CLIP2: variants seen among roughly 807,000 people sequenced by gnomAD.
The protein encoded by CLIP2 is CAP-Gly domain containing linker protein 2, also known as CAP-Gly domain-containing linker protein 2.
In CLIP2, 41 loss-of-function variants were observed where a neutral mutation model predicts 111.7. The ratio of observed to expected loss-of-function variants is 0.37; its 90% confidence interval spans 0.29 to 0.48. The LOEUF is 0.48. CLIP2 is among the 20% of genes least tolerant of loss of function. The pLI, the probability that CLIP2 is intolerant of heterozygous loss-of-function variation, is 0.99. For synonymous variants in CLIP2, 660 were observed against 644.2 expected (o/e 1.02, Z -0.37); for missense variants, 1,160 against 1,422.1 (o/e 0.82, Z 2.96).
At chr7:74,372,305 C>T (rs1440607797) in intron 8 of CLIP2, among the ~76,000 whole-genome samples, 2 of 150,862 alleles carry the variant, frequency 1.3e-5, no homozygotes, top group African/African-American at 4.9e-5. Context: ...AGCCCGGCCT[C>T]CACCAAGGAG....
intron 3 of CLIP2, 36 bp from the exon 4 acceptor site, chr7:74,353,844 C>T (rs1554307994): frequency 6.2e-7 from 1 of 1,613,900 alleles, no homozygotes; most frequent in South Asian, 1.1e-5. Context: ...TGTGCCACTG[C>T]ATCCTCTAGA....
intron 16 of CLIP2, 151 bp downstream of exon 16, chr7:74,401,718 A>G: frequency 1.3e-6 from 1 of 775,542 alleles, no homozygotes; most frequent in East Asian, 2.7e-5. Flanking sequence ...GTTGCAGGCA[A>G]ACTTGATTCC....
chr7:74,352,698 C>CA lies in CLIP2; in HGVS notation c.679-1167dup, dbSNP rs56250956. ...TGAGGTAGGAGAATCAACACTGTCTCAAAAAAAAAAAAAAATTTTTAGATA... is the reference window on the plus strand; with the variant it reads ...TGAGGTAGGAGAATCAACACTGTCTCAAAAAAAAAAAAAAAATTTTTAGATA... On this transcript the variant is annotated intron_variant, in intron 3 of 16. Transcript: ENST00000223398. Among the ~76,000 whole-genome samples, 95 of 132,074 alleles carry CA rather than the reference C, an allele frequency of 7.2e-4. 2 individuals carry two copies. Among genetic ancestry groups the CA allele is most frequent in the African/African-American group, 1.8e-3 (63 of 35,472 alleles). 86.6% of individuals were successfully genotyped at this position (132,074 alleles called of 152,430 possible). A position where few individuals can be genotyped will look rare whatever the true frequency, so the allele number is the denominator to read the frequency against.
At chr7:74,345,274 G>A (rs1233733997) in intron 3 of CLIP2, among the ~76,000 whole-genome samples, 14 of 151,778 alleles carry the variant, frequency 9.2e-5, no homozygotes, top group African/African-American at 2.9e-4. Context: ...TTGCTCTGTC[G>A]CCCAGAGTGG....
At chr7:74,315,288 A>T (rs1554728989) in intron 1 of CLIP2, among the ~76,000 whole-genome samples, 1 of 152,138 alleles carries the variant, frequency 6.6e-6, no homozygotes, top group East Asian at 1.9e-4. Context: ...AAATACATTT[A>T]AAAAAATAAT....
At chr7:74,393,185 A>G (rs1251600306) in intron 13 of CLIP2, among the ~76,000 whole-genome samples, 1 of 148,910 alleles carries the variant, frequency 6.7e-6, no homozygotes, top group Admixed American at 6.7e-5. Context: ...ACAGGCGCCC[A>G]TCACCATGCC....
rs1218194865 is a variant in CLIP2, at chr7:74,319,035, G to A, written c.121+1368G>A. ...GAGGCCCGTCGGCAGAAGCCCATGG[G>A]AAAGGCCTGCCCAGTGCAGCCTTGT... On this transcript the variant is annotated intron_variant, in intron 2 of 16. Transcript: ENST00000223398. Among the ~76,000 whole-genome samples, 7 of 152,288 alleles carry A rather than the reference G, an allele frequency of 4.6e-5. No individual in the cohort carries two copies. In the East Asian group the frequency reaches 1.4e-3, roughly 29 times the overall value.
intron 1 of CLIP2, among the ~76,000 whole-genome samples, chr7:74,302,196 C>T (rs1788357674): frequency 6.6e-6 from 1 of 151,794 alleles, no homozygotes; most frequent in East Asian, 1.9e-4. Flanking sequence ...GAAGATGCCT[C>T]CTTTATTTTT....
chr7:74,373,213 T>C (rs1790686171), intron 9 of CLIP2, among the ~76,000 whole-genome samples, 177 bp downstream of exon 9: 5 of 152,158 alleles, frequency 3.3e-5, no homozygotes, highest in Admixed American at 3.3e-4. Context: ...AATGTGCTTA[T>C]GTGGCCGGGT....
At chr7:74,384,304 T>A (rs1297544905) in intron 11 of CLIP2, among the ~76,000 whole-genome samples, 1 of 152,154 alleles carries the variant, frequency 6.6e-6, no homozygotes, top group African/African-American at 2.4e-5. Flanking sequence ...CCTCAGCTGA[T>A]GGGCATTTGG....
intron 3 of CLIP2, among the ~76,000 whole-genome samples, chr7:74,342,492 G>T (rs999705843): frequency 2.0e-5 from 3 of 152,212 alleles, no homozygotes; most frequent in African/African-American, 7.2e-5. Context: ...CAGGGCCAGG[G>T]ACCTGGGATG....
chr7:74,390,162 G>GAAAAAGAAAGAAAGAAAGA lies in CLIP2; in HGVS notation c.2720+905_2720+906insAAAGAAAGAAAGAAAGAAA, dbSNP rs1215571636. Among the ~76,000 whole-genome samples, 139 of 85,008 alleles carry GAAAAAGAAAGAAAGAAAGA rather than the reference G, an allele frequency of 1.6e-3. 3 individuals are homozygous for GAAAAAGAAAGAAAGAAAGA. The highest frequency in any genetic ancestry group is 2.9e-3 in the African/African-American group (68 of 23,318). The allele number at this position is 85,008 out of a possible 152,430, so 55.8% of individuals were successfully genotyped here. On this transcript the variant is annotated intron_variant, in intron 13 of 16. Transcript: ENST00000223398. ...AAAGAAAGAAAGAAAAAGAAAGAAAGAAGAAAGAAAGAAAGAAAGAAAGAA... is the reference window on the plus strand; with the variant it reads ...AAAGAAAGAAAGAAAAAGAAAGAAAGAAAAAGAAAGAAAGAAAGAAAGAAAGAAAGAAAGAAAGAAAGAA...
chr7:74,326,610 A>G (rs1244900338), intron 2 of CLIP2, among the ~76,000 whole-genome samples: 1 of 150,886 alleles, frequency 6.6e-6, no homozygotes, highest in Non-Finnish European at 1.5e-5. Context: ...GCTGCTCTCT[A>G]GTACACACAC....
At chr7:74,304,249 G>A (rs889051957) in intron 1 of CLIP2, among the ~76,000 whole-genome samples, 2 of 151,954 alleles carry the variant, frequency 1.3e-5, no homozygotes, top group African/African-American at 2.4e-5. Flanking sequence ...TTAAGAAGCC[G>A]GGCATGGTGG....
chr7:74,379,966 A>C (rs1790896120), intron 10 of CLIP2: 1 of 152,060 alleles, frequency 6.6e-6, no homozygotes, highest in Non-Finnish European at 1.5e-5. Context: ...GAAAAAGAAA[A>C]ATTTAGTGTG....
At chr7:74,386,377 G>A in intron 11 of CLIP2, 144 bp from the exon 12 acceptor site, 2 of 610,792 alleles carry the variant, frequency 3.3e-6, no homozygotes, top group East Asian at 3.4e-5. Context: ...GTTACCCAGC[G>A]AGACGGCTGG....
At chr7:74,403,144 G>C (rs1390168819) in intron 16 of CLIP2, among the ~76,000 whole-genome samples, 10 of 150,882 alleles carry the variant, frequency 6.6e-5, no homozygotes, top group Admixed American at 6.6e-4. Flanking sequence ...GCTTGAACCC[G>C]GGAGGCAGAG....
intron 6 of CLIP2, among the ~76,000 whole-genome samples, chr7:74,359,479 A>G (rs1385724062): frequency 2.7e-5 from 4 of 146,066 alleles, no homozygotes; most frequent in Admixed American, 6.9e-5. Flanking sequence ...TCAGCCTCCC[A>G]AGTAGCTGGG....
intron 1 of CLIP2, among the ~76,000 whole-genome samples, chr7:74,317,147 C>G (rs1554729236): frequency 6.6e-6 from 1 of 152,158 alleles, no homozygotes; most frequent in Non-Finnish European, 1.5e-5. Flanking sequence ...AGACACAAAG[C>G]TTTAATGGTG....
Sources: allele counts gnomAD v4.1 joint callset (sites outside exome capture counted in the v4.1 genomes callset), GRCh38; gene constraint gnomAD v4.1.1; transcripts MANE v1.5; gene names NCBI Gene and HGNC (gene_info 2026-07-23, HGNC 2026-07-21).